SMURF2: variants seen among roughly 807,000 people sequenced by gnomAD.
The protein encoded by SMURF2 is E3 ubiquitin-protein ligase SMURF2.
In SMURF2, 48 loss-of-function variants were observed where a neutral mutation model predicts 109.6. The ratio of observed to expected loss-of-function variants is 0.44; its 90% CI spans 0.35 to 0.56. The LOEUF (loss-of-function observed/expected upper bound fraction) is 0.56, where lower values mean the gene tolerates loss of function less well. Among genes scored for constraint, SMURF2 ranks in the 20% least tolerant of loss-of-function variants. SMURF2 has a pLI of 0.01. For missense variants in SMURF2, 575 were observed against 909.0 expected, an observed-to-expected ratio of 0.63 and a Z score of 4.72; for synonymous variants, 288 against 317.1, an observed-to-expected ratio of 0.91 and a Z score of 0.97.
At chr17:64,654,364 T>A (rs1163407037) in intron 1 of SMURF2, among the ~76,000 whole-genome samples, 1 of 152,108 alleles carries the variant, frequency 6.6e-6, no homozygotes, top group Non-Finnish European at 1.5e-5. Flanking sequence ...TAAAACAGAG[T>A]TGGTCTGAAA....
At chr17:64,579,252 C>T (rs1354314513) in intron 8 of SMURF2, among the ~76,000 whole-genome samples, 1 of 151,764 alleles carries the variant, frequency 6.6e-6, no homozygotes, top group East Asian at 1.9e-4. Flanking sequence ...AGAGAACAAT[C>T]TCTAAAAGGG....
chr17:64,652,330 C>T (rs1420891009), intron 1 of SMURF2, among the ~76,000 whole-genome samples: 36 of 152,130 alleles, frequency 2.4e-4, no homozygotes, highest in African/African-American at 8.7e-4. Context: ...ACTACAAGAT[C>T]CTAAATCAAA....
chr17:64,634,836 T>G (rs1970394223), intron 1 of SMURF2, among the ~76,000 whole-genome samples: 1 of 152,218 alleles, frequency 6.6e-6, no homozygotes, highest in African/African-American at 2.4e-5. Context: ...TCAGATTTCA[T>G]GAAGCCTGGA....
At chr17:64,619,740 G>A (rs570997447) in intron 1 of SMURF2, among the ~76,000 whole-genome samples, 1 of 151,976 alleles carries the variant, frequency 6.6e-6, no homozygotes, top group African/African-American at 2.4e-5. Flanking sequence ...CTGTTATAGG[G>A]GCACTAATCC....
At chr17:64,599,617 T>A (rs1969865682) in intron 2 of SMURF2, among the ~76,000 whole-genome samples, 1 of 152,176 alleles carries the variant, frequency 6.6e-6, no homozygotes, top group South Asian at 2.1e-4. Flanking sequence ...GCGGCAGCAT[T>A]AGATGCTCAT....
intron 1 of SMURF2, among the ~76,000 whole-genome samples, chr17:64,613,821 CTAT>C (rs1214933351): frequency 1.3e-5 from 2 of 150,442 alleles, no homozygotes; most frequent in Non-Finnish European, 1.5e-5. Flanking sequence ...GCACTTATTT[CTAT>C]TATTATTACA....
At chr17:64,590,489 C>T (rs1426630421) in intron 5 of SMURF2, among the ~76,000 whole-genome samples, 1 of 152,010 alleles carries the variant, frequency 6.6e-6, no homozygotes, top group Non-Finnish European at 1.5e-5. Flanking sequence ...GAACAGTGTC[C>T]TTCCATACTA....
chr17:64,573,648 C>T (rs1234906194), intron 9 of SMURF2, among the ~76,000 whole-genome samples: 1 of 152,016 alleles, frequency 6.6e-6, no homozygotes, highest in African/African-American at 2.4e-5. Flanking sequence ...AAAGATGGTA[C>T]CTGAGTGGCA....
chr17:64,550,302 G>C (rs905585995), intron 16 of SMURF2, among the ~76,000 whole-genome samples: 2 of 152,214 alleles, frequency 1.3e-5, no homozygotes, highest in African/African-American at 4.8e-5. Flanking sequence ...AAATATTTGT[G>C]TTATCCCTAA....
intron 1 of SMURF2, among the ~76,000 whole-genome samples, chr17:64,639,363 G>A (rs1970463810): frequency 6.6e-6 from 1 of 152,018 alleles, no homozygotes; most frequent in Non-Finnish European, 1.5e-5. Context: ...GATCACTTGA[G>A]GTCAGGAGTT....
intron 10 of SMURF2, among the ~76,000 whole-genome samples, chr17:64,566,561 G>GTTTGGTTTTTT (rs1969305868): frequency 3.2e-4 from 14 of 43,786 alleles, no homozygotes; most frequent in Admixed American, 4.2e-4. Context: ...AAGCTTTCTG[G>GTTTGGTTTTTT]TTTTTTTTTT....
intron 3 of SMURF2, among the ~76,000 whole-genome samples, chr17:64,596,439 T>C (rs782245261): frequency 1.3e-5 from 2 of 151,898 alleles, no homozygotes; most frequent in South Asian, 2.1e-4. Context: ...TAAAGTGATA[T>C]TTCACCTAGA....
intron 9 of SMURF2, among the ~76,000 whole-genome samples, chr17:64,576,204 C>CA (rs1284426010): frequency 2.0e-5 from 3 of 150,658 alleles, no homozygotes; most frequent in Non-Finnish European, 3.0e-5. Flanking sequence ...GATCCTGTCT[C>CA]AAAAAAAAGA....
intron 1 of SMURF2, among the ~76,000 whole-genome samples, chr17:64,628,576 T>C (rs185791345): frequency 1.3e-5 from 2 of 152,228 alleles, no homozygotes; most frequent in East Asian, 3.9e-4. Context: ...TTTGGGGAAC[T>C]TGCAATTTCA....
intron 1 of SMURF2, among the ~76,000 whole-genome samples, chr17:64,660,502 A>G (rs1449343556): frequency 6.6e-6 from 1 of 152,204 alleles, no homozygotes; most frequent in Non-Finnish European, 1.5e-5. Flanking sequence ...CTGCCATGAA[A>G]GTAATATATT....
rs1316789912 is a variant in SMURF2 at position 64,543,897 on chromosome 17, T to C, written c.*1951A>G. 6.6e-6 allele frequency: 1 copy of C among 152,180 alleles called. No homozygotes were observed. Among genetic ancestry groups the C allele is most frequent in the African/African-American group, 2.4e-5 (1 of 41,446 alleles). The allele number at this position is 152,180 out of a possible 1,614,324, so 9.4% of individuals were successfully genotyped here. ...GAAACCACTTCCATACATTTCAAGA[T>C]GCTCTTCAGTACTCAGAATGCAATG... On this transcript the variant is annotated 3_prime_UTR_variant, in exon 19 of 19. Coordinates refer to ENST00000262435, the MANE Select transcript of SMURF2 (RefSeq NM_022739.4).
At chr17:64,552,666 C>T (rs1259644199) in intron 15 of SMURF2, among the ~76,000 whole-genome samples, 1 of 152,122 alleles carries the variant, frequency 6.6e-6, no homozygotes, top group African/African-American at 2.4e-5. Flanking sequence ...AAAGGAGACA[C>T]TGCTAAGACT....
intron 1 of SMURF2, among the ~76,000 whole-genome samples, chr17:64,610,410 T>C (rs1598294863): frequency 6.6e-6 from 1 of 152,160 alleles, no homozygotes; most frequent in South Asian, 2.1e-4. Context: ...ATATACACCA[T>C]GGAATACTAT....
rs1350685349 is a variant in SMURF2 at position 64,650,333 on chromosome 17, G to GT, written c.52+11495dup. Among the ~76,000 whole-genome samples, 89 of 126,160 alleles carry GT rather than the reference G, an allele frequency of 7.1e-4. 1 individual carries two copies. Among genetic ancestry groups the GT allele is most frequent in the Admixed American group, 1.1e-3 (15 of 13,046 alleles). The allele number at this position is 126,160 out of a possible 152,430, so 82.8% of individuals were successfully genotyped here. Reference sequence around the variant, plus strand: ...ATTACAGGCACACACCATCACACGGGTTTTTTGTTTTTTGTTTTTTTTTTT... The same window carrying GT: ...ATTACAGGCACACACCATCACACGGGTTTTTTTGTTTTTTGTTTTTTTTTTT... On this transcript the variant is annotated intron_variant, in intron 1 of 18. Coordinates refer to ENST00000262435, the MANE Select transcript of SMURF2 (RefSeq NM_022739.4).
Sources: allele counts gnomAD v4.1 joint callset (sites outside exome capture counted in the v4.1 genomes callset), GRCh38; gene constraint gnomAD v4.1.1; transcripts MANE v1.5; gene names NCBI Gene and HGNC (gene_info 2026-07-23, HGNC 2026-07-21).